XXYLT1: variants seen among roughly 807,000 people sequenced by gnomAD.
The protein encoded by XXYLT1 is UDP-xylose:alpha-xyloside alpha-1,3-xylosyltransferase.
XXYLT1 carries 20 observed loss-of-function variants against 28.9 expected under a neutral mutation model. The ratio of observed to expected loss-of-function variants is 0.69; its 90% CI spans 0.49 to 1.00. The LOEUF (loss-of-function observed/expected upper bound fraction) is 1.00. Ranked by LOEUF, XXYLT1 falls within the 50% of genes least tolerant of loss-of-function variation. The pLI, the probability that XXYLT1 is intolerant of heterozygous loss-of-function variation, is 0.00. For synonymous variants in XXYLT1, 257 were observed against 253.8 expected, an observed-to-expected ratio of 1.01 and a Z score of -0.12; for missense variants, 542 against 560.1, an observed-to-expected ratio of 0.97 and a Z score of 0.33.
chr3:195,157,368 GT>G (rs1720657075), intron 2 of XXYLT1, among the ~76,000 whole-genome samples: 1 of 151,930 alleles, frequency 6.6e-6, no homozygotes, highest in Non-Finnish European at 1.5e-5. Flanking sequence ...TTATCAGTGC[GT>G]TCTGCAAACC....
chr3:195,146,242 C>T (rs1719839978), intron 3 of XXYLT1, among the ~76,000 whole-genome samples: 1 of 152,234 alleles, frequency 6.6e-6, no homozygotes, highest in Admixed American at 6.5e-5. Context: ...CAGAAGGTCC[C>T]TCTTGTACAC....
chr3:195,266,238 G>A (rs971391315), intron 1 of XXYLT1, among the ~76,000 whole-genome samples: 1 of 152,176 alleles, frequency 6.6e-6, no homozygotes, highest in Non-Finnish European at 1.5e-5. Context: ...GCTCACGCCT[G>A]TAATCCCAGC....
chr3:195,253,078 G>C (rs1725336810), intron 1 of XXYLT1, among the ~76,000 whole-genome samples: 2 of 152,118 alleles, frequency 1.3e-5, no homozygotes, highest in African/African-American at 4.8e-5. Context: ...AAGTCACAAA[G>C]GGCTCTCCGT....
chr3:195,098,083 T>C (rs1454245614), intron 3 of XXYLT1, among the ~76,000 whole-genome samples: 1 of 151,860 alleles, frequency 6.6e-6, no homozygotes, highest in Non-Finnish European at 1.5e-5. Flanking sequence ...ACACAGGAAA[T>C]ACCAAGAACA....
At chr3:195,259,825 A>G (rs1413950640) in intron 1 of XXYLT1, among the ~76,000 whole-genome samples, 3 of 152,138 alleles carry the variant, frequency 2.0e-5, no homozygotes, top group Non-Finnish European at 2.9e-5. Flanking sequence ...CGTTTCCCAC[A>G]CTGGCTGCGG....
At chr3:195,110,164 TGGTGTCTGA>T (rs1717455594) in intron 3 of XXYLT1, among the ~76,000 whole-genome samples, 2 of 29,684 alleles carry the variant, frequency 6.7e-5, no homozygotes, top group African/African-American at 1.8e-4. Context: ...GTGTTGTGTG[TGGTGTCTGA>T]GTATGTGTGT....
intron 3 of XXYLT1, among the ~76,000 whole-genome samples, chr3:195,155,392 T>A (rs1382239189): frequency 3.3e-5 from 5 of 152,210 alleles, no homozygotes; most frequent in African/African-American, 1.2e-4. Flanking sequence ...ATCCCAGCCC[T>A]TTCCGAACAA....
intron 3 of XXYLT1, among the ~76,000 whole-genome samples, chr3:195,153,635 G>A (rs891479343): frequency 1.3e-5 from 2 of 152,204 alleles, no homozygotes; most frequent in African/African-American, 4.8e-5. Flanking sequence ...AAATCTTTCA[G>A]AGCTTTCTTT....
intron 3 of XXYLT1, among the ~76,000 whole-genome samples, chr3:195,134,134 C>T (rs1284690871): frequency 6.6e-6 from 1 of 152,098 alleles, no homozygotes; most frequent in East Asian, 1.9e-4. Context: ...AGTGTTATTA[C>T]AAGAGTCAAA....
intron 3 of XXYLT1, among the ~76,000 whole-genome samples, chr3:195,103,754 G>A (rs113533898): frequency 0.023 from 3,527 of 152,296 alleles, 67 homozygotes; most frequent in Non-Finnish European, 0.032. Context: ...AAAAATTAGA[G>A]AAACAATGCA....
chr3:195,201,976 A>C (rs999262913), intron 2 of XXYLT1, among the ~76,000 whole-genome samples: 1 of 152,182 alleles, frequency 6.6e-6, no homozygotes, highest in Non-Finnish European at 1.5e-5. Flanking sequence ...CAGAAGTTCA[A>C]GACCAGCCTG....
At chr3:195,190,493 CAAAAAAAAAAA>C (rs57722997) in intron 2 of XXYLT1, among the ~76,000 whole-genome samples, 1 of 34,986 alleles carries the variant, frequency 2.9e-5, no homozygotes, top group African/African-American at 6.4e-5. Flanking sequence ...GACTCTGTCT[CAAAAAAAAAAA>C]AAAAAAAAAA....
Position 195,156,442 on chromosome 3 carries a change from G to C in XXYLT1, c.785+7C>G. The C allele has an allele frequency of 6.2e-7, 1 of 1,613,388 alleles. No individual in the cohort carries two copies. ...GTGGAGGCGGCCCCCCTGCAGTCAT[G>C]ACGCACCTGTAAACTGGCTGCATCT... On this transcript the variant is annotated splice_region_variant and intron_variant, in intron 3 of 3. Transcript: ENST00000310380.
intron 2 of XXYLT1, among the ~76,000 whole-genome samples, chr3:195,216,371 G>C (rs1723573233): frequency 6.8e-6 from 1 of 147,790 alleles, no homozygotes; most frequent in Non-Finnish European, 1.5e-5. Context: ...ATGAATCCAG[G>C]AGCTGGTTTT....
At chr3:195,226,625 C>T in intron 2 of XXYLT1, 84 bp downstream of exon 2, 1 of 1,515,124 alleles carries the variant, frequency 6.6e-7, no homozygotes, top group Non-Finnish European at 8.9e-7. Context: ...CTCCCTGATA[C>T]AGGGCCTGGG....
Position 195,270,846 on chromosome 3 carries a change from C to T in XXYLT1, c.213G>A (p.Leu71=). The change falls in exon 1 of 4, where the codon CTG becomes CTA. Residue 71 remains leucine, a synonymous_variant. Transcript: ENST00000310380. ...GAPAAPSPPA[L]ELARGSVAPA... is the part of the protein sequence containing the mutation. ...GCGCCACGGAGCCCCGCGCTAGCTC[C>T]AGCGCGGGCGGCGAGGGCGCGGCGG... 1 of 1,424,508 alleles carries T rather than the reference C, an allele frequency of 7.0e-7. No individual in the cohort carries two copies. Among genetic ancestry groups the T allele is most frequent in the Non-Finnish European group, 9.1e-7 (1 of 1,093,172 alleles). The allele number at this position is 1,424,508 out of a possible 1,614,324, so 88.2% of individuals were successfully genotyped here.
intron 1 of XXYLT1, among the ~76,000 whole-genome samples, chr3:195,238,477 G>T (rs1456023346): frequency 6.6e-6 from 1 of 152,200 alleles, no homozygotes; most frequent in Non-Finnish European, 1.5e-5. Context: ...GGCCGTGACT[G>T]CTCTGTGCCC....
chr3:195,156,420 G>T (rs1720594436), intron 3 of XXYLT1, 29 bp downstream of exon 3: 1 of 1,608,278 alleles, frequency 6.2e-7, no homozygotes, highest in Admixed American at 1.7e-5. Flanking sequence ...AGGGGTCGTG[G>T]AGGCGGCCCC....
chr3:195,167,246 T>G (rs188124972), intron 2 of XXYLT1, among the ~76,000 whole-genome samples: 22 of 152,348 alleles, frequency 1.4e-4, no homozygotes, highest in Non-Finnish European at 2.8e-4. Flanking sequence ...TCCTAACAAA[T>G]GTTTACCTGT....
Sources: gnomAD v4.1 joint callset for allele counts (sites outside exome capture counted in the v4.1 genomes callset) on GRCh38, gnomAD v4.1.1 for gene constraint, MANE v1.5 for transcripts, NCBI Gene and HGNC (gene_info 2026-07-23, HGNC 2026-07-21) for gene names.